The following PALM2AKAP2 variants were observed in gnomAD, a reference collection of about 807,000 sequenced individuals.
PALM2AKAP2 encodes the protein PALM2-AKAP2 fusion protein.
A neutral mutation model predicts 71.5 loss-of-function variants in PALM2AKAP2; 37 were observed. The observed-to-expected ratio is 0.52, with a 90% CI of 0.40 to 0.68. PALM2AKAP2 has a LOEUF of 0.68. Among genes scored for constraint, PALM2AKAP2 ranks in the 30% least tolerant of loss-of-function variants. PALM2AKAP2 has a pLI of 0.00. For missense variants in PALM2AKAP2, 1,224 were observed against 1,191.8 expected (o/e 1.03, Z -0.40); for synonymous variants, 468 against 478.8 (o/e 0.98, Z 0.29).
At chr9:109,681,076 T>C (rs1397193398) in intron 1 of PALM2AKAP2, among the ~76,000 whole-genome samples, 3 of 152,228 alleles carry the variant, frequency 2.0e-5, no homozygotes, top group Non-Finnish European at 4.4e-5. Context: ...ATTAAATGTG[T>C]TCCAGTTTAG....
At chr9:109,850,919 TG>T (rs1436722149) in intron 1 of PALM2AKAP2, among the ~76,000 whole-genome samples, 1 of 152,142 alleles carries the variant, frequency 6.6e-6, no homozygotes, top group African/African-American at 2.4e-5. Context: ...GGCTCACACC[TG>T]TAATCCCAGC....
At chr9:109,995,024 T>G (rs769299528) in intron 6 of PALM2AKAP2, among the ~76,000 whole-genome samples, 10 of 152,234 alleles carry the variant, frequency 6.6e-5, no homozygotes, top group Non-Finnish European at 1.5e-4. Context: ...GGGTGGATGA[T>G]TACCCTAAAA....
intron 1 of PALM2AKAP2, among the ~76,000 whole-genome samples, chr9:109,837,911 C>G (rs1828525769): frequency 1.3e-5 from 2 of 152,182 alleles, no homozygotes; most frequent in African/African-American, 2.4e-5. Context: ...GAGACTTAGA[C>G]TCCCACACAA....
Position 109,958,407 on chromosome 9 carries a change from A to T in PALM2AKAP2, c.496+26379A>T, listed in dbSNP as rs180863194. 1.1e-3 allele frequency among the ~76,000 whole-genome samples: 168 copies of T among 152,332 alleles called. 2 individuals are homozygous for T. Among genetic ancestry groups the T allele is most frequent in the African/African-American group, 3.9e-3 (164 of 41,574 alleles). ...TTCTTGAGTGTAAAGGGACCCATGG[A>T]CTGAGCTTTGTCTCATTTATGCCTT... is the stretch of plus-strand genomic sequence containing the variant. On this transcript the variant is annotated intron_variant, in intron 6 of 9. Coordinates refer to the PALM2AKAP2 transcript ENST00000302798.
At chr9:110,011,331 A>G (rs1359292314) in intron 6 of PALM2AKAP2, among the ~76,000 whole-genome samples, 1 of 151,868 alleles carries the variant, frequency 6.6e-6, no homozygotes, top group Non-Finnish European at 1.5e-5. Context: ...TTTATAACTA[A>G]TAATAGAAAT....
rs55638466 is a variant in PALM2AKAP2 at position 110,117,952 on chromosome 9, C to CAT, written c.157-18162_157-18161dup. 3.0e-4 allele frequency among the ~76,000 whole-genome samples: 44 copies of CAT among 148,562 alleles called. No homozygotes were observed. In the South Asian group the frequency reaches 4.0e-3, roughly 14 times the overall value. On this transcript the variant is annotated intron_variant, in intron 1 of 3. Transcript: ENST00000374525. ...AAGTGTATATATATAGTGTAAGATACATATATATATATATGTCGTTTTGTG... is the reference window on the plus strand; with the variant it reads ...AAGTGTATATATATAGTGTAAGATACATATATATATATATATGTCGTTTTGTG...
intron 6 of PALM2AKAP2, among the ~76,000 whole-genome samples, chr9:109,981,827 A>C (rs183526984): frequency 2.0e-5 from 3 of 152,336 alleles, no homozygotes; most frequent in Admixed American, 1.3e-4. Flanking sequence ...AAGGATGTAG[A>C]GAAAAGGGAA....
intron 1 of PALM2AKAP2, among the ~76,000 whole-genome samples, chr9:110,068,675 G>T (rs1311414018): frequency 3.9e-5 from 6 of 152,084 alleles, no homozygotes; most frequent in Non-Finnish European, 8.8e-5. Context: ...GAGACCACAG[G>T]TGTGCGCCAC....
upstream of PALM2AKAP2, chr9:109,780,365 A>C: frequency 6.3e-7 from 1 of 1,584,212 alleles, no homozygotes; most frequent in Non-Finnish European, 8.6e-7. Context: ...GCGGATCCCC[A>C]GCCGTCCCTG....
At chr9:109,675,074 G>A (rs1827630236) in intron 1 of PALM2AKAP2, among the ~76,000 whole-genome samples, 2 of 152,174 alleles carry the variant, frequency 1.3e-5, no homozygotes, top group African/African-American at 4.8e-5. Flanking sequence ...AGTATTCTGA[G>A]CATATTTGAA....
At chr9:110,032,776 T>C (rs10980155) in intron 7 of PALM2AKAP2, among the ~76,000 whole-genome samples, 6,390 of 147,442 alleles carry the variant, frequency 0.043, 218 homozygotes, top group Non-Finnish European at 0.058. Flanking sequence ...AATAAAAAAA[T>C]AAAAAAACAA....
intron 6 of PALM2AKAP2, among the ~76,000 whole-genome samples, chr9:109,980,918 T>C (rs1832257235): frequency 6.6e-6 from 1 of 152,244 alleles, no homozygotes; most frequent in African/African-American, 2.4e-5. Flanking sequence ...GGAGCTAAGC[T>C]CCTTGGTACC....
At chr9:110,075,649 G>C (rs1350875343) in intron 1 of PALM2AKAP2, among the ~76,000 whole-genome samples, 3 of 150,932 alleles carry the variant, frequency 2.0e-5, no homozygotes. Flanking sequence ...CCCTATGCTT[G>C]TAACATTATT....
At chr9:110,091,660 C>T (rs1024882129) in intron 1 of PALM2AKAP2, among the ~76,000 whole-genome samples, 58 of 152,118 alleles carry the variant, frequency 3.8e-4, no homozygotes, top group Non-Finnish European at 6.3e-4. Context: ...GATGGGGTTT[C>T]ACCGTGTTAG....
chr9:109,821,274 A>T (rs7020604), intron 1 of PALM2AKAP2, among the ~76,000 whole-genome samples: 1 of 152,074 alleles, frequency 6.6e-6, no homozygotes. Context: ...TGGCGCATGT[A>T]TACATATGTA....
intron 1 of PALM2AKAP2, among the ~76,000 whole-genome samples, chr9:109,838,893 A>G (rs1487779870): frequency 1.3e-5 from 2 of 152,202 alleles, no homozygotes; most frequent in Non-Finnish European, 2.9e-5. Context: ...GCAATAATTA[A>G]TAGCCTACCA....
At chr9:109,847,100 A>T (rs1241005882) in intron 1 of PALM2AKAP2, among the ~76,000 whole-genome samples, 2 of 151,820 alleles carry the variant, frequency 1.3e-5, no homozygotes, top group African/African-American at 2.4e-5. Context: ...AATCCCTGGG[A>T]CCTATGTGTG....
Position 109,745,945 on chromosome 9 carries a change from AT to A in PALM2AKAP2, c.6-34538del, listed in dbSNP as rs566772949. Among the ~76,000 whole-genome samples, 30 of 152,248 alleles carry A rather than the reference AT, an allele frequency of 2.0e-4. 1 individual carries two copies. The East Asian group carries it at 5.4e-3, about 27-fold the overall frequency. On this transcript the variant is annotated intron_variant, in intron 1 of 6. Transcript: ENST00000374531. ...ATCCCATTAAAAAGGTATAATATGT[AT>A]TTTTACTAGCCTGCAGAGCTTGGCA...
intron 1 of PALM2AKAP2, among the ~76,000 whole-genome samples, chr9:109,742,175 C>T (rs16914470): frequency 0.043 from 6,574 of 151,776 alleles, 469 homozygotes; most frequent in African/African-American, 0.15. Context: ...CCTGTGTAGC[C>T]TGTGGATGTA....
Sources: gnomAD v4.1 joint callset for allele counts (sites outside exome capture counted in the v4.1 genomes callset) on GRCh38, gnomAD v4.1.1 for gene constraint, MANE v1.5 for transcripts, NCBI Gene and HGNC (gene_info 2026-07-23, HGNC 2026-07-21) for gene names.